The following ESRRG variants were observed in gnomAD, a reference collection of about 807,000 sequenced individuals.
ESRRG encodes the protein estrogen-related receptor gamma.
ESRRG carries 13 observed loss-of-function variants against 44.0 expected under a neutral mutation model. That is an observed-to-expected ratio of 0.30 (90% CI 0.19 to 0.47). The LOEUF (loss-of-function observed/expected upper bound fraction) is 0.47, where lower values mean the gene tolerates loss of function less well. Among genes scored for constraint, ESRRG ranks in the 20% least tolerant of loss-of-function variants. The pLI is 1.00. For missense variants in ESRRG, 395 were observed against 580.6 expected, an observed-to-expected ratio of 0.68 and a Z score of 3.29; for synonymous variants, 215 against 214.6, an observed-to-expected ratio of 1.00 and a Z score of -0.02.
intron 1 of ESRRG, among the ~76,000 whole-genome samples, chr1:216,700,778 C>A (rs756778909): frequency 1.1e-4 from 17 of 152,078 alleles, no homozygotes; most frequent in Non-Finnish European, 2.4e-4. Flanking sequence ...TTGACATTTC[C>A]TTTAATATCA....
intron 1 of ESRRG, among the ~76,000 whole-genome samples, chr1:216,682,652 C>G (rs986854957): frequency 6.6e-6 from 1 of 150,566 alleles, no homozygotes; most frequent in Non-Finnish European, 1.5e-5. Context: ...CTGAAATTAC[C>G]AGATTAAATA....
Position 216,894,794 on chromosome 1 carries a change from T to C in ESRRG, c.-14+44788A>G, listed in dbSNP as rs115797930. Among the ~76,000 whole-genome samples the C allele has an allele frequency of 5.1e-3, 771 of 152,238 alleles. 9 individuals carry two copies. Among genetic ancestry groups the C allele is most frequent in the African/African-American group, 0.017 (714 of 41,542 alleles). The stretch of plus-strand genomic sequence containing the variant: ...AATGAAATGAGGAATGAACCAGCAT[T>C]AGCCCCTAGACTAATCAATGGGAAA... On this transcript the variant is annotated intron_variant, in intron 2 of 7. Coordinates refer to the ESRRG transcript ENST00000359162.
At chr1:216,625,337 A>T (rs146824290) in intron 3 of ESRRG, among the ~76,000 whole-genome samples, 1 of 149,786 alleles carries the variant, frequency 6.7e-6, no homozygotes, top group East Asian at 2.0e-4. Context: ...ATCAATCCTT[A>T]TCACCTACCA....
intron 2 of ESRRG, among the ~76,000 whole-genome samples, chr1:216,839,587 A>C (rs1457980376): frequency 6.6e-6 from 1 of 152,234 alleles, no homozygotes; most frequent in Non-Finnish European, 1.5e-5. Flanking sequence ...ATAAGACTTG[A>C]AAGTCAAAAT....
chr1:216,669,214 GAAA>G (rs2074644519), intron 2 of ESRRG, among the ~76,000 whole-genome samples: 1 of 152,088 alleles, frequency 6.6e-6, no homozygotes, highest in African/African-American at 2.4e-5. Context: ...TCTGTCTCTT[GAAA>G]ATGCCTGCTG....
chr1:216,709,352 T>TATAC (rs2083129701), intron 1 of ESRRG, among the ~76,000 whole-genome samples: 1 of 150,128 alleles, frequency 6.7e-6, no homozygotes, highest in Admixed American at 6.7e-5. Flanking sequence ...TGTATATATA[T>TATAC]ATATATATAT....
chr1:216,930,537 T>A (rs1416837508), intron 2 of ESRRG, among the ~76,000 whole-genome samples: 1 of 152,220 alleles, frequency 6.6e-6, no homozygotes, highest in Non-Finnish European at 1.5e-5. Flanking sequence ...TTTAGTCTTC[T>A]AGTCTTTGTC....
intron 1 of ESRRG, among the ~76,000 whole-genome samples, chr1:217,136,716 T>A (rs925191761): frequency 1.3e-5 from 2 of 152,130 alleles, no homozygotes; most frequent in African/African-American, 4.8e-5. Context: ...TTGTGGGTGG[T>A]GATTGGCTCA....
intron 2 of ESRRG, among the ~76,000 whole-genome samples, chr1:216,899,440 T>G (rs1329811600): frequency 6.6e-6 from 1 of 152,196 alleles, no homozygotes; most frequent in Non-Finnish European, 1.5e-5. Context: ...TGAAGCAGTC[T>G]CAAAGGCATT....
chr1:216,627,948 G>A (rs924269422), intron 3 of ESRRG, among the ~76,000 whole-genome samples: 1 of 152,084 alleles, frequency 6.6e-6, no homozygotes, highest in Non-Finnish European at 1.5e-5. Flanking sequence ...TCATCACAAA[G>A]GCATGGGTAT....
At chr1:216,627,029 C>T (rs572779585) in intron 3 of ESRRG, among the ~76,000 whole-genome samples, 3 of 152,290 alleles carry the variant, frequency 2.0e-5, no homozygotes, top group Admixed American at 1.3e-4. Flanking sequence ...GTCTATTAAA[C>T]GGCAAGGAAA....
In ESRRG at chr1:216,658,641, C is replaced by T. The variant is rs554512239; in HGVS notation, c.473-7552G>A. Among the ~76,000 whole-genome samples, 1,227 of 138,218 alleles carry T rather than the reference C, an allele frequency of 8.9e-3. 21 individuals carry two copies. The highest frequency in any genetic ancestry group is 0.031 in the African/African-American group (1,152 of 36,652). 90.7% of individuals were successfully genotyped at this position (138,218 alleles called of 152,430 possible). ...TTCGAAACCAGCCTGGCCAACATGG[C>T]GAAACCCCATCTCTACTAAAAATAC... On this transcript the variant is annotated intron_variant, in intron 2 of 6. Coordinates refer to ENST00000408911, the MANE Select transcript of ESRRG (RefSeq NM_001438.4).
intron 2 of ESRRG, among the ~76,000 whole-genome samples, chr1:216,872,896 G>A (rs910109267): frequency 6.6e-6 from 1 of 152,158 alleles, no homozygotes; most frequent in African/African-American, 2.4e-5. Context: ...CATTTTTAAT[G>A]TGTTTTGAGA....
chr1:216,880,047 T>C (rs1438351206), intron 2 of ESRRG, among the ~76,000 whole-genome samples: 1 of 151,856 alleles, frequency 6.6e-6, no homozygotes, highest in African/African-American at 2.4e-5. Flanking sequence ...GTGGCTCACA[T>C]CTGTCATCAC....
At chr1:216,995,035 A>G (rs1556891) in intron 1 of ESRRG, among the ~76,000 whole-genome samples, 4 of 151,966 alleles carry the variant, frequency 2.6e-5, no homozygotes, top group African/African-American at 9.7e-5. Flanking sequence ...AGGGATGTCA[A>G]TCTGGAAGCT....
At chr1:217,039,642 C>A (rs1175415411) in intron 1 of ESRRG, among the ~76,000 whole-genome samples, 1 of 152,172 alleles carries the variant, frequency 6.6e-6, no homozygotes, top group Non-Finnish European at 1.5e-5. Context: ...ACCATGGGAG[C>A]CACAAGATAA....
intron 2 of ESRRG, among the ~76,000 whole-genome samples, chr1:216,662,468 A>G (rs1214711958): frequency 6.6e-6 from 1 of 152,178 alleles, no homozygotes; most frequent in Non-Finnish European, 1.5e-5. Context: ...GAAAGCCCAG[A>G]AAACAATGGA....
intron 1 of ESRRG, among the ~76,000 whole-genome samples, chr1:217,008,133 T>C (rs2078025226): frequency 6.6e-6 from 1 of 152,198 alleles, no homozygotes; most frequent in Non-Finnish European, 1.5e-5. Context: ...CATTAAAATC[T>C]TCACCACTGC....
At chr1:216,940,453 T>C (rs1442195338) in intron 1 of ESRRG, among the ~76,000 whole-genome samples, 1 of 152,178 alleles carries the variant, frequency 6.6e-6, no homozygotes, top group Non-Finnish European at 1.5e-5. Flanking sequence ...GGAAATTCTG[T>C]GCCGAACTTG....
Sources: allele counts gnomAD v4.1 joint callset (sites outside exome capture counted in the v4.1 genomes callset), GRCh38; gene constraint gnomAD v4.1.1; transcripts MANE v1.5; gene names NCBI Gene and HGNC (gene_info 2026-07-23, HGNC 2026-07-21).